The following NCOA1 variants were observed in gnomAD, a reference collection of about 807,000 sequenced individuals.
NCOA1 encodes Hin-2 protein.
In NCOA1, 35 loss-of-function variants were observed where a neutral mutation model predicts 150.9. That is an observed-to-expected ratio of 0.23 (90% CI 0.18 to 0.31). The LOEUF is 0.31. Among genes scored for constraint, NCOA1 ranks in the 10% least tolerant of loss-of-function variants. NCOA1 has a pLI of 1.00. For synonymous variants in NCOA1, 590 were observed against 630.0 expected, an observed-to-expected ratio of 0.94 and a Z score of 0.95; for missense variants, 1,491 against 1,749.3, an observed-to-expected ratio of 0.85 and a Z score of 2.63.
At chr2:24,547,493 T>A (rs1481315486) in intron 1 of NCOA1, among the ~76,000 whole-genome samples, 1 of 152,222 alleles carries the variant, frequency 6.6e-6, no homozygotes, top group Non-Finnish European at 1.5e-5. Context: ...GACGTGTCCA[T>A]ATTTTTTTAA....
intron 3 of NCOA1, among the ~76,000 whole-genome samples, chr2:24,586,623 T>G (rs1209940769): frequency 6.6e-6 from 1 of 152,168 alleles, no homozygotes; most frequent in Non-Finnish European, 1.5e-5. Flanking sequence ...TTTTGTTTTT[T>G]GTTTTTGTTT....
At chr2:24,632,309 T>C (rs1669743070) in intron 3 of NCOA1, among the ~76,000 whole-genome samples, 1 of 152,132 alleles carries the variant, frequency 6.6e-6, no homozygotes, top group Non-Finnish European at 1.5e-5. Flanking sequence ...AAGGCTCGGA[T>C]AGTAGTAGTA....
intron 19 of NCOA1, among the ~76,000 whole-genome samples, chr2:24,745,939 C>A (rs56040705): frequency 0.013 from 2,025 of 152,242 alleles, 47 homozygotes; most frequent in African/African-American, 0.047. Context: ...CCTATTCTTC[C>A]CTCCTCTCAG....
At chr2:24,558,504 T>A (rs1666169337) in intron 1 of NCOA1, among the ~76,000 whole-genome samples, 1 of 152,066 alleles carries the variant, frequency 6.6e-6, no homozygotes, top group Admixed American at 6.5e-5. Flanking sequence ...ACCCATCAGA[T>A]CTCATGAGAC....
Position 24,719,181 on chromosome 2 carries a change from A to G in NCOA1, c.2600-7408A>G, listed in dbSNP as rs961599740. Among the ~76,000 whole-genome samples, 3 of 152,272 alleles carry G rather than the reference A, an allele frequency of 2.0e-5. No individual in the cohort carries two copies. In the South Asian group the frequency reaches 6.2e-4, roughly 32 times the overall value. ...TACATAGGATGAATTACTCTTGGAA[A>G]CATGCTAAGTGAAAAAAGCCATATA... On this transcript the variant is annotated intron_variant, in intron 14 of 22. Coordinates refer to ENST00000348332, the MANE Select transcript of NCOA1 (RefSeq NM_003743.5).
At chr2:24,603,518 A>G (rs1668221606) in intron 3 of NCOA1, among the ~76,000 whole-genome samples, 1 of 152,236 alleles carries the variant, frequency 6.6e-6, no homozygotes, top group Non-Finnish European at 1.5e-5. Context: ...AAGTTTATGT[A>G]ATATTCTAAA....
At chr2:24,760,417 A>G (rs1664734262) in intron 21 of NCOA1, among the ~76,000 whole-genome samples, 1 of 148,146 alleles carries the variant, frequency 6.8e-6, no homozygotes, top group Admixed American at 6.9e-5. Flanking sequence ...TCGGCCTCCC[A>G]AAGTGCTGGG....
intron 3 of NCOA1, among the ~76,000 whole-genome samples, chr2:24,603,219 C>T (rs536039216): frequency 4.7e-4 from 72 of 152,230 alleles, no homozygotes; most frequent in African/African-American, 1.7e-3. Context: ...TACTTTATTG[C>T]TGAAAATTGC....
chr2:24,669,521 G>A (rs536118266), intron 6 of NCOA1, among the ~76,000 whole-genome samples: 161 of 152,156 alleles, frequency 1.1e-3, no homozygotes, highest in African/African-American at 3.6e-3. Context: ...TATTTTGCAC[G>A]TCACACAAAA....
At chr2:24,634,856 C>T (rs1265317278) in intron 3 of NCOA1, among the ~76,000 whole-genome samples, 1 of 152,068 alleles carries the variant, frequency 6.6e-6, no homozygotes, top group Non-Finnish European at 1.5e-5. Context: ...GCTGGGACTA[C>T]AGGCACACAC....
intron 13 of NCOA1, among the ~76,000 whole-genome samples, chr2:24,709,807 A>G (rs543058503): frequency 1.3e-5 from 2 of 152,376 alleles, no homozygotes; most frequent in South Asian, 2.1e-4. Context: ...ATGGATAATT[A>G]TGTTGTGACA....
rs997593980 is a variant in NCOA1 at position 24,584,458 on chromosome 2, C to T, written c.-259-18C>T. 6.6e-6 allele frequency: 1 copy of T among 152,160 alleles called. No homozygotes were observed. Among genetic ancestry groups the T allele is most frequent in the Non-Finnish European group, 1.5e-5 (1 of 68,016 alleles). The allele number at this position is 152,160 out of a possible 1,614,324, so 9.4% of individuals were successfully genotyped here. On this transcript the variant is annotated intron_variant, in intron 2 of 22. Transcript: ENST00000348332. The stretch of plus-strand genomic sequence containing the variant: ...CAAGTAGATCCAATTGATTGACTTA[C>T]TGTTTTCCTAATTTCAGGTTCCAGT...
intron 3 of NCOA1, among the ~76,000 whole-genome samples, chr2:24,599,002 A>G (rs1347047849): frequency 1.3e-5 from 2 of 152,242 alleles, no homozygotes; most frequent in Admixed American, 6.5e-5. Flanking sequence ...AGATTTATAA[A>G]TAGAAACAAA....
At chr2:24,677,704 A>G (rs761960001) in intron 7 of NCOA1, among the ~76,000 whole-genome samples, 34 of 152,296 alleles carry the variant, frequency 2.2e-4, no homozygotes, top group Non-Finnish European at 3.5e-4. Flanking sequence ...GATTACAGGC[A>G]TAAGTTACCA....
At chr2:24,757,055 C>T (rs1279171596) in intron 20 of NCOA1, among the ~76,000 whole-genome samples, 1 of 152,156 alleles carries the variant, frequency 6.6e-6, no homozygotes, top group African/African-American at 2.4e-5. Context: ...CATCTGGCTT[C>T]CTCTTAATTT....
rs1260419847 is a variant in NCOA1, at chr2:24,751,950, A to T, written c.3707-32A>T. 7 of 1,581,792 alleles carry T rather than the reference A, an allele frequency of 4.4e-6. No homozygotes were observed. In the African/African-American group the frequency reaches 8.1e-5, roughly 18 times the overall value. On this transcript the variant is annotated intron_variant, in intron 19 of 22. Coordinates refer to ENST00000348332, the MANE Select transcript of NCOA1 (RefSeq NM_003743.5). Reference sequence around the variant, plus strand: ...TATGGGGTTAATAAATTTATAGTGTATCAACATAAATTAATTTGTGTCAAT... The same window carrying T: ...TATGGGGTTAATAAATTTATAGTGTTTCAACATAAATTAATTTGTGTCAAT...
intron 5 of NCOA1, among the ~76,000 whole-genome samples, chr2:24,660,178 T>C (rs1447085152): frequency 6.6e-6 from 1 of 152,148 alleles, no homozygotes; most frequent in Non-Finnish European, 1.5e-5. Flanking sequence ...GTGTCAAAAA[T>C]TAATGCTCTT....
At chr2:24,526,855 GAA>G (rs1049485807) in intron 1 of NCOA1, among the ~76,000 whole-genome samples, 19 of 151,794 alleles carry the variant, frequency 1.3e-4, no homozygotes, top group Admixed American at 4.6e-4. Flanking sequence ...AAATATTTGG[GAA>G]AAAATTTAGT....
In NCOA1 at chr2:24,628,314, A is replaced by G. The variant is rs1165843237; in HGVS notation, c.-174-15652A>G. 2.0e-5 allele frequency among the ~76,000 whole-genome samples: 3 copies of G among 152,102 alleles called. No individual in the cohort carries two copies. In the East Asian group the frequency reaches 5.8e-4, roughly 29 times the overall value. ...AAACTCCATCTCAGAAAAAAAAAAAAAAAATCTGTTATGTACCCCACCTCG... is the reference window on the plus strand; with the variant it reads ...AAACTCCATCTCAGAAAAAAAAAAAGAAAATCTGTTATGTACCCCACCTCG... On this transcript the variant is annotated intron_variant, in intron 3 of 22. Coordinates refer to ENST00000348332, the MANE Select transcript of NCOA1 (RefSeq NM_003743.5).
Sources: allele counts gnomAD v4.1 joint callset (sites outside exome capture counted in the v4.1 genomes callset), GRCh38; gene constraint gnomAD v4.1.1; transcripts MANE v1.5; gene names NCBI Gene and HGNC (gene_info 2026-07-23, HGNC 2026-07-21).